FANCC: variants seen among roughly 807,000 people sequenced by gnomAD.
FANCC encodes the protein Fanconi anemia group C protein.
In FANCC, 55 loss-of-function variants were observed where a neutral mutation model predicts 71.3. The observed-to-expected ratio is 0.77, with a 90% CI of 0.62 to 0.97. The LOEUF is 0.97. Ranked by LOEUF, FANCC falls within the 50% of genes least tolerant of loss-of-function variation. The pLI is 0.00. For synonymous variants in FANCC, 275 were observed against 244.9 expected, an observed-to-expected ratio of 1.12 and a Z score of -1.15; for missense variants, 678 against 670.9, an observed-to-expected ratio of 1.01 and a Z score of -0.12.
intron 6 of FANCC, among the ~76,000 whole-genome samples, chr9:95,156,060 G>A (rs935329277): frequency 6.6e-6 from 1 of 152,000 alleles, no homozygotes; most frequent in African/African-American, 2.4e-5. Context: ...ATTTGCCTTT[G>A]TGCCAGATTG....
At position 95,126,543 on chromosome 9, in the gene FANCC, A is replaced by G. The variant is rs750639831; in HGVS notation, c.882T>C (p.Val294=). The G allele has an allele frequency of 6.2e-6, 10 of 1,613,966 alleles. No homozygotes were observed. Among genetic ancestry groups the G allele is most frequent in the Non-Finnish European group, 1.7e-6 (2 of 1,179,974 alleles). ...GTAACGTTTACCTGAACATCTCATC[A>G]ACAACCCGGAATATGGCAGGGTGGC... ...AACHPAIFRV[V]DEMFRCALLE... Residue 294 remains valine (V), a synonymous_variant, in exon 9 of 15, where the codon GTT becomes GTC. Transcript: ENST00000289081.
chr9:95,236,625 T>G (rs1830331149), intron 4 of FANCC, among the ~76,000 whole-genome samples: 1 of 152,202 alleles, frequency 6.6e-6, no homozygotes, highest in African/African-American at 2.4e-5. Context: ...ATTTTCAAAT[T>G]TATTAATTAA....
intron 2 of FANCC, 54 bp downstream of exon 2, chr9:95,249,073 T>C: frequency 6.3e-7 from 1 of 1,590,800 alleles, no homozygotes; most frequent in Non-Finnish European, 8.6e-7. Context: ...TGGTGAAATC[T>C]GGTAGAGTCC....
intron 1 of FANCC, among the ~76,000 whole-genome samples, chr9:95,269,935 T>G (rs1832624895): frequency 6.6e-6 from 1 of 152,128 alleles, no homozygotes; most frequent in Non-Finnish European, 1.5e-5. Flanking sequence ...CTGAGTTCCC[T>G]TAGTATTTAT....
chr9:95,271,927 CTTTTTT>C (rs869093626), intron 1 of FANCC, among the ~76,000 whole-genome samples: 1,366 of 50,366 alleles, frequency 0.027, 28 homozygotes, highest in African/African-American at 0.087. Flanking sequence ...CAAGCCTCTT[CTTTTTT>C]TTTTTTTTTT....
Position 95,299,698 on chromosome 9 carries a change from A to G in FANCC, c.-79+17828T>C, listed in dbSNP as rs568760369. On this transcript the variant is annotated intron_variant, in intron 1 of 14. Coordinates refer to ENST00000289081, the MANE Select transcript of FANCC (RefSeq NM_000136.3). ...CAATATAGTGAGACCTCAGCTCTAC[A>G]AAACATCAAAAAATTAGCCAGACAT... 3.9e-5 allele frequency among the ~76,000 whole-genome samples: 6 copies of G among 152,276 alleles called. No individual in the cohort carries two copies. The East Asian group carries it at 5.8e-4, about 15-fold the overall frequency.
intron 8 of FANCC, chr9:95,127,224 C>A (rs547385854): frequency 6.5e-6 from 1 of 153,100 alleles, no homozygotes; most frequent in South Asian, 2.1e-4. Context: ...CCTCCGGTAG[C>A]CCTGGGAGCT....
intron 4 of FANCC, among the ~76,000 whole-genome samples, chr9:95,191,132 G>A (rs954962937): frequency 6.6e-6 from 1 of 152,086 alleles, no homozygotes; most frequent in African/African-American, 2.4e-5. Flanking sequence ...GATTGTGGAT[G>A]CCATTTCTAT....
intron 4 of FANCC, among the ~76,000 whole-genome samples, chr9:95,202,531 G>C (rs1827867813): frequency 6.6e-6 from 1 of 152,206 alleles, no homozygotes; most frequent in Non-Finnish European, 1.5e-5. Context: ...AGTCAACCTT[G>C]CCATAAATTG....
chr9:95,307,013 T>C (rs1020145215), intron 1 of FANCC, among the ~76,000 whole-genome samples: 1 of 152,134 alleles, frequency 6.6e-6, no homozygotes, highest in Non-Finnish European at 1.5e-5. Flanking sequence ...CATGTCACAC[T>C]GTATGGGTCT....
intron 3 of FANCC, among the ~76,000 whole-genome samples, chr9:95,244,712 A>AAC (rs1830851261): frequency 4.4e-5 from 6 of 137,650 alleles, no homozygotes; most frequent in Admixed American, 7.3e-5. Flanking sequence ...AAAAAAAAAA[A>AAC]ACCCAACACT....
chr9:95,161,649 A>T (rs1457511932), intron 6 of FANCC, among the ~76,000 whole-genome samples: 2 of 152,188 alleles, frequency 1.3e-5, no homozygotes, highest in East Asian at 3.8e-4. Flanking sequence ...ACATTAACAT[A>T]CAATTTACCA....
At position 95,117,458 on chromosome 9, in the gene FANCC, ACT is replaced by A. The variant is rs543188020; in HGVS notation, c.997-70_997-69del. 10 of 1,331,738 alleles carry A rather than the reference ACT, an allele frequency of 7.5e-6. No individual in the cohort carries two copies. In the East Asian group the frequency reaches 1.7e-4, roughly 22 times the overall value. 82.5% of individuals were successfully genotyped at this position (1,331,738 alleles called of 1,614,324 possible). Reference sequence around the variant, plus strand: ...TGAAACGGGGTCAGGAAAATACAAAACTCTGAGTCCTCTGCCCAAAAAAGACC... The same window carrying A: ...TGAAACGGGGTCAGGAAAATACAAAACTGAGTCCTCTGCCCAAAAAAGACC... On this transcript the variant is annotated intron_variant, in intron 10 of 14. Transcript: ENST00000289081.
At chr9:95,192,175 G>A (rs1389007033) in intron 4 of FANCC, among the ~76,000 whole-genome samples, 3 of 152,170 alleles carry the variant, frequency 2.0e-5, no homozygotes, top group African/African-American at 7.2e-5. Context: ...ATGTCAAGCT[G>A]GACAACTACA....
intron 1 of FANCC, among the ~76,000 whole-genome samples, chr9:95,267,510 T>C (rs553108370): frequency 6.6e-6 from 1 of 152,250 alleles, no homozygotes; most frequent in East Asian, 1.9e-4. Flanking sequence ...GTGAAAAGTT[T>C]TTAAAACCTC....
intron 4 of FANCC, among the ~76,000 whole-genome samples, chr9:95,210,686 C>T (rs554741645): frequency 4.9e-4 from 74 of 152,222 alleles, no homozygotes; most frequent in African/African-American, 1.7e-3. Flanking sequence ...TGAACCCAGG[C>T]AATTAGCTGT....
At chr9:95,114,800 G>A (rs2072254528) in intron 11 of FANCC, 90 bp from the exon 12 acceptor site, 1 of 1,079,248 alleles carries the variant, frequency 9.3e-7, no homozygotes, top group Non-Finnish European at 1.4e-6. Context: ...AAGAGTCTTT[G>A]GGAGACGCCC....
rs192519806 is a variant in FANCC, at chr9:95,146,070, G to C, written c.686+3853C>G. 1.7e-3 allele frequency among the ~76,000 whole-genome samples: 264 copies of C among 152,074 alleles called. 1 individual carries two copies. The highest frequency in any genetic ancestry group is 6.1e-3 in the African/African-American group (251 of 41,464). On this transcript the variant is annotated intron_variant, in intron 7 of 14. Coordinates refer to ENST00000289081, the MANE Select transcript of FANCC (RefSeq NM_000136.3). ...CTGACTAGATATGTGATGATGATAA[G>C]GAACTAATGTCAATTTTAAGATGTA...
chr9:95,134,366 G>A (rs983087915), intron 8 of FANCC, among the ~76,000 whole-genome samples: 1 of 152,098 alleles, frequency 6.6e-6, no homozygotes, highest in African/African-American at 2.4e-5. Flanking sequence ...CCAACCTCAG[G>A]GACTTCCTCA....
Sources: allele counts gnomAD v4.1 joint callset (sites outside exome capture counted in the v4.1 genomes callset), GRCh38; gene constraint gnomAD v4.1.1; transcripts MANE v1.5; gene names NCBI Gene and HGNC (gene_info 2026-07-23, HGNC 2026-07-21).